Variants in NAV3 observed in about 807,000 individuals in gnomAD.
NAV3 encodes the protein neuron navigator 3, also known as pore membrane and/or filament interacting like protein 1.
In NAV3, 87 loss-of-function variants were observed where a neutral mutation model predicts 244.7. That is an observed-to-expected ratio of 0.36 (90% CI 0.30 to 0.42). NAV3 has a LOEUF of 0.42. NAV3 is among the 20% of genes least tolerant of loss of function. The pLI, the probability that NAV3 is intolerant of heterozygous loss-of-function variation, is 1.00. For synonymous variants in NAV3, 1,126 were observed against 1,042.2 expected, an observed-to-expected ratio of 1.08 and a Z score of -1.55; for missense variants, 2,663 against 2,893.3, an observed-to-expected ratio of 0.92 and a Z score of 1.83.
intron 2 of NAV3, among the ~76,000 whole-genome samples, chr12:77,729,198 A>C (rs113358976): frequency 0.053 from 8,067 of 152,030 alleles, 287 homozygotes; most frequent in Admixed American, 0.076. Context: ...TGGCACCCCA[A>C]TCCCTGTGTT....
Position 78,050,176 on chromosome 12 carries a change from A to G in NAV3, c.2132+75A>G. Reference sequence around the variant, plus strand: ...CAAACAAACATTTAACTTTTCTTATAATGACAGAGATGGGATTTCAGTTTC... The same window carrying G: ...CAAACAAACATTTAACTTTTCTTATGATGACAGAGATGGGATTTCAGTTTC... On this transcript the variant is annotated intron_variant, in intron 10 of 39. Transcript: ENST00000397909. 4 of 1,007,556 alleles carry G rather than the reference A, an allele frequency of 4.0e-6. No individual in the cohort carries two copies. The South Asian group carries it at 5.9e-5, about 15-fold the overall frequency. The allele number at this position is 1,007,556 out of a possible 1,614,324, so 62.4% of individuals were successfully genotyped here.
At chr12:77,998,207 A>G in intron 6 of NAV3, 130 bp from the exon 7 acceptor site, 2 of 582,616 alleles carry the variant, frequency 3.4e-6, no homozygotes, top group African/African-American at 1.9e-5. Context: ...TATTTGTCAC[A>G]TCTATCACCA....
intron 12 of NAV3, among the ~76,000 whole-genome samples, chr12:78,078,472 C>T (rs920496697): frequency 5.8e-4 from 85 of 145,478 alleles, no homozygotes; most frequent in Admixed American, 2.4e-3. Context: ...CTCGGCTCAC[C>T]GCAAGCTCCG....
intron 2 of NAV3, among the ~76,000 whole-genome samples, chr12:77,602,942 T>C (rs1870504564): frequency 6.6e-6 from 1 of 152,096 alleles, no homozygotes; most frequent in Non-Finnish European, 1.5e-5. Context: ...GAGAATTGAA[T>C]GATATACTCT....
At chr12:77,853,987 T>C (rs954352167) in intron 1 of NAV3, among the ~76,000 whole-genome samples, 1 of 152,210 alleles carries the variant, frequency 6.6e-6, no homozygotes, top group African/African-American at 2.4e-5. Context: ...TGGGAAGCAG[T>C]CTGTTAGCAG....
At chr12:77,851,728 T>A (rs1033985287) in intron 1 of NAV3, among the ~76,000 whole-genome samples, 1 of 152,182 alleles carries the variant, frequency 6.6e-6, no homozygotes, top group African/African-American at 2.4e-5. Flanking sequence ...TATTATGATA[T>A]GGTAAAATTC....
In NAV3 at chr12:77,656,299, G is replaced by T. The variant is rs1382263307; in HGVS notation, c.72+84033G>T. On this transcript the variant is annotated intron_variant, in intron 2 of 8. Transcript: ENST00000550042. The stretch of plus-strand genomic sequence containing the variant: ...CAATGGAAAACAAAAAAAGGCAGGG[G>T]TTGCAATCCTAGTCTCTGATAAAAC... 2.3e-5 allele frequency among the ~76,000 whole-genome samples: 3 copies of T among 132,642 alleles called. No individual in the cohort carries two copies. The South Asian group carries it at 7.4e-4, about 33-fold the overall frequency. 87.0% of individuals were successfully genotyped at this position (132,642 alleles called of 152,430 possible).
chr12:77,969,584 A>G (rs1284255449), intron 5 of NAV3, among the ~76,000 whole-genome samples: 1 of 152,090 alleles, frequency 6.6e-6, no homozygotes, highest in Non-Finnish European at 1.5e-5. Flanking sequence ...CGATGGCTCA[A>G]GCCTGTATTC....
chr12:77,923,496 G>A (rs961560478), intron 1 of NAV3, among the ~76,000 whole-genome samples: 2 of 152,192 alleles, frequency 1.3e-5, no homozygotes, highest in African/African-American at 4.8e-5. Context: ...ATGATGGTTA[G>A]TTTTCTTGAA....
chr12:78,204,882 TGCTGAATAGA>T, intron 38 of NAV3, 43 bp from the exon 39 acceptor site: 4 of 1,540,956 alleles, frequency 2.6e-6, no homozygotes, highest in Admixed American at 1.8e-5. Context: ...TCCCCTTTTT[TGCTGAATAGA>T]AATGCATTTT....
intron 2 of NAV3, among the ~76,000 whole-genome samples, chr12:77,778,510 G>A (rs1349718416): frequency 1.3e-5 from 2 of 151,410 alleles, no homozygotes; most frequent in Non-Finnish European, 2.9e-5. Flanking sequence ...TACTCGGGAG[G>A]CTGAGGCAGG....
At chr12:77,729,966 G>A (rs1340566284) in intron 2 of NAV3, among the ~76,000 whole-genome samples, 1 of 151,914 alleles carries the variant, frequency 6.6e-6, no homozygotes, top group Non-Finnish European at 1.5e-5. Flanking sequence ...TTTCAAGGAA[G>A]AGGTGTGTAT....
At chr12:77,720,179 CT>C in intron 2 of NAV3, among the ~76,000 whole-genome samples, 1 of 140,088 alleles carries the variant, frequency 7.1e-6, no homozygotes, top group Non-Finnish European at 1.6e-5. Flanking sequence ...CTCTCTCTCT[CT>C]TTAACCTGGC....
intron 38 of NAV3, 30 bp from the exon 39 acceptor site, chr12:78,204,905 A>T: frequency 1.2e-6 from 2 of 1,604,148 alleles, no homozygotes; most frequent in Non-Finnish European, 1.7e-6. Context: ...TGCATTTTAT[A>T]TATATCCTAA....
At chr12:77,843,812 C>A in intron 1 of NAV3, among the ~76,000 whole-genome samples, 1 of 149,636 alleles carries the variant, frequency 6.7e-6, no homozygotes, top group African/African-American at 2.5e-5. Context: ...AGTTTACAAC[C>A]AATTTAGACC....
In NAV3 at chr12:77,940,344, A is replaced by G. The variant is rs1889748304; in HGVS notation, c.269A>G (p.Tyr90Cys). 2.5e-6 allele frequency: 4 copies of G among 1,613,772 alleles called. No homozygotes were observed. The highest frequency in any genetic ancestry group is 3.4e-6 in the Non-Finnish European group (4 of 1,179,776). Reference protein sequence around the residue: ...SKIYTDWANHYLAKSGHKRLI... With the variant: ...SKIYTDWANHCLAKSGHKRLI... ...ATTTACACTGACTGGGCCAACCACT[A>G]CCTAGCAAAATCAGGCCACAAGCGG... The change falls in exon 2 of 40, where the codon TAC (tyrosine) becomes TGC (cysteine). Residue 90 changes from tyrosine to cysteine, a missense_variant. By Grantham distance (194) the Tyr-to-Cys change is radical. Around this residue, in one of 6 missense-constraint regions of NAV3, gnomAD observed 1,521 missense variants for 1,497.0 expected, o/e 1.02. Transcript: ENST00000397909.
chr12:78,088,214 A>G (rs1953737241), intron 12 of NAV3, among the ~76,000 whole-genome samples: 1 of 151,962 alleles, frequency 6.6e-6, no homozygotes, highest in Admixed American at 6.6e-5. Flanking sequence ...TATAAAATAC[A>G]TTAAAATCAA....
intron 3 of NAV3, among the ~76,000 whole-genome samples, chr12:77,964,910 A>G (rs1317855742): frequency 6.6e-6 from 1 of 152,142 alleles, no homozygotes; most frequent in East Asian, 1.9e-4. Flanking sequence ...ATTTTAAAGG[A>G]ACATAAATAG....
intron 2 of NAV3, among the ~76,000 whole-genome samples, chr12:77,712,618 T>G (rs1167234121): frequency 6.6e-6 from 1 of 152,182 alleles, no homozygotes; most frequent in Admixed American, 6.5e-5. Flanking sequence ...GTTCTTATAG[T>G]CTCTTGTTTT....
Sources: allele counts gnomAD v4.1 joint callset (sites outside exome capture counted in the v4.1 genomes callset), GRCh38; gene constraint gnomAD v4.1.1; regional missense constraint gnomAD v4.1.1; transcripts MANE v1.5; gene names NCBI Gene and HGNC (gene_info 2026-07-23, HGNC 2026-07-21).